HEATR3: variants seen among roughly 807,000 people sequenced by gnomAD.
HEATR3 encodes the protein HEAT repeat-containing protein 3.
Under a neutral mutation model 72.8 loss-of-function variants are expected in HEATR3, and 56 were observed. The observed-to-expected ratio is 0.77, with a 90% CI of 0.62 to 0.96. The LOEUF (loss-of-function observed/expected upper bound fraction) is 0.96. Ranked by LOEUF, HEATR3 falls within the 40% of genes least tolerant of loss-of-function variation. The probability of loss-of-function intolerance (pLI) is 0.00; values close to 1 mark genes in which losing one functional copy is unlikely to be tolerated. For missense variants in HEATR3, 747 were observed against 831.4 expected, an observed-to-expected ratio of 0.90 and a Z score of 1.25; for synonymous variants, 331 against 318.1, an observed-to-expected ratio of 1.04 and a Z score of -0.43.
At chr16:50,086,873 G>A (rs2036999509) in intron 11 of HEATR3, among the ~76,000 whole-genome samples, 1 of 152,160 alleles carries the variant, frequency 6.6e-6, no homozygotes, top group South Asian at 2.1e-4. Flanking sequence ...GGATTGCAGT[G>A]ATCTGAGGTT....
rs1427952727 is a variant in HEATR3, at chr16:50,082,751, A to G, written c.1042-1186A>G. Among the ~76,000 whole-genome samples the G allele has an allele frequency of 3.4e-5, 3 of 87,542 alleles. No individual in the cohort carries two copies. The South Asian group carries it at 1.4e-3, about 39-fold the overall frequency. 57.4% of individuals were successfully genotyped at this position (87,542 alleles called of 152,430 possible). On this transcript the variant is annotated intron_variant, in intron 7 of 14. Coordinates refer to ENST00000299192, the MANE Select transcript of HEATR3 (RefSeq NM_182922.4). ...AGCTTGGGCAATATACTGAGACCCCATCTCTCAAAAAAAAAAAAAAAAGCA... is the reference window on the plus strand; with the variant it reads ...AGCTTGGGCAATATACTGAGACCCCGTCTCTCAAAAAAAAAAAAAAAAGCA...
intron 5 of HEATR3, chr16:50,073,528 A>G (rs1477736652): frequency 6.6e-6 from 1 of 152,230 alleles, no homozygotes; most frequent in Admixed American, 6.5e-5. Context: ...ATAGTAGAAT[A>G]AATACTACTG....
chr16:50,103,425 T>A (rs925205362), intron 14 of HEATR3, among the ~76,000 whole-genome samples: 2 of 152,236 alleles, frequency 1.3e-5, no homozygotes, highest in African/African-American at 4.8e-5. Flanking sequence ...AGCCACAATT[T>A]GTGTTAAAGG....
At chr16:50,071,688 ATAGG>A (rs1027485641) in intron 4 of HEATR3, among the ~76,000 whole-genome samples, 8 of 152,222 alleles carry the variant, frequency 5.3e-5, no homozygotes, top group East Asian at 1.9e-4. Flanking sequence ...CCATAACTAG[ATAGG>A]TAGGTAGGTA....
chr16:50,104,927 T>C lies in HEATR3; in HGVS notation c.1921-12T>C, dbSNP rs912781880. On this transcript the variant is annotated splice_polypyrimidine_tract_variant and intron_variant, in intron 14 of 14. Transcript: ENST00000299192. The stretch of plus-strand genomic sequence containing the variant: ...ACCAAGTCATATATGATTTTTTGTT[T>C]TTTGTTTGCAGATACGTAAAGAAGG... The C allele has an allele frequency of 1.9e-6, 3 of 1,571,602 alleles. No individual in the cohort carries two copies. The African/African-American group carries it at 4.1e-5, about 22-fold the overall frequency.
chr16:50,094,604 A>G (rs986292958), intron 11 of HEATR3, 101 bp from the exon 12 acceptor site: 9 of 654,800 alleles, frequency 1.4e-5, no homozygotes, highest in Admixed American at 6.4e-5. Context: ...TATTAAGAAT[A>G]GCATTTATTA....
rs1269337278 is a variant in HEATR3, at chr16:50,102,297, T to C, written c.1782T>C (p.Asp594=). The stretch of plus-strand genomic sequence containing the variant: ...TTCTGCTTGAAGTTACCACCAAAGA[T>C]CCTTCCCTTGTGGTAGCAGGAGAAG... The part of the protein sequence containing the change: ...GCFLLEVTTK[D]PSLVVAGEAL... The change falls in exon 14 of 15, where the codon GAT becomes GAC. Residue 594 remains aspartate, a synonymous_variant. Coordinates refer to ENST00000299192, the MANE Select transcript of HEATR3 (RefSeq NM_182922.4). 1.2e-6 allele frequency: 2 copies of C among 1,613,968 alleles called. No individual in the cohort carries two copies. The highest frequency in any genetic ancestry group is 1.7e-6 in the Non-Finnish European group (2 of 1,180,000).
At chr16:50,082,718 T>C (rs1385257872) in intron 7 of HEATR3, among the ~76,000 whole-genome samples, 1 of 148,596 alleles carries the variant, frequency 6.7e-6, no homozygotes, top group Non-Finnish European at 1.5e-5. Context: ...GGTCAGGATT[T>C]CAAGACCAGC....
At chr16:50,076,083 T>A (rs1260356351) in intron 6 of HEATR3, among the ~76,000 whole-genome samples, 2 of 152,296 alleles carry the variant, frequency 1.3e-5, no homozygotes, top group East Asian at 3.9e-4. Context: ...TAAGAAATTA[T>A]CTGAAGGTCT....
intron 11 of HEATR3, among the ~76,000 whole-genome samples, chr16:50,090,934 C>T (rs185820822): frequency 6.6e-6 from 1 of 152,086 alleles, no homozygotes; most frequent in African/African-American, 2.4e-5. Flanking sequence ...CACCTGAGGT[C>T]AGGAGTTTGA....
In HEATR3 at chr16:50,093,829, T is replaced by G. The variant is rs930795438; in HGVS notation, c.1511-876T>G. 4.6e-5 allele frequency among the ~76,000 whole-genome samples: 7 copies of G among 152,290 alleles called. No homozygotes were observed. The East Asian group carries it at 1.3e-3, about 29-fold the overall frequency. On this transcript the variant is annotated intron_variant, in intron 11 of 14. Transcript: ENST00000299192. ...GCGGAAGTCGAGAGAAAAAAGAGCA[T>G]GCACACATGCGTCAGGGCTGGAAGT...
intron 1 of HEATR3, 44 bp downstream of exon 1, chr16:50,066,313 C>G: frequency 1.3e-6 from 2 of 1,568,272 alleles, no homozygotes; most frequent in Non-Finnish European, 8.6e-7. Context: ...GACGAGGTTG[C>G]CCCGCGCGCG....
Position 50,078,818 on chromosome 16 carries a change from T to A in HEATR3, c.841T>A (p.Ser281Thr). Reference protein sequence around the residue: ...EIINALLKILSEVLGMDAGEM... With the variant: ...EIINALLKILTEVLGMDAGEM... ...CATAAATGCCTTACTAAAGATCTTA[T>A]CTGAAGTTTTGGGAATGGATGCTGG... is the stretch of plus-strand genomic sequence containing the variant. Residue 281 changes from serine (S) to threonine (T), a missense_variant, in exon 7 of 15, where the codon TCT (serine) becomes ACT (threonine). Physicochemically the swap from Ser to Thr is moderately conservative, Grantham distance 58. Around this residue, in one of 2 missense-constraint regions of HEATR3, gnomAD observed 586 missense variants for 708.8 expected, o/e 0.83. Coordinates refer to ENST00000299192, the MANE Select transcript of HEATR3 (RefSeq NM_182922.4). 1.2e-6 allele frequency: 2 copies of A among 1,614,118 alleles called. No individual in the cohort carries two copies. The highest frequency in any genetic ancestry group is 2.2e-5 in the South Asian group (2 of 91,086).
At chr16:50,073,641 G>C (rs2036660504) in intron 5 of HEATR3, 1 of 152,194 alleles carries the variant, frequency 6.6e-6, no homozygotes, top group South Asian at 2.1e-4. Context: ...TTAGGAAATT[G>C]ATAGGTGACT....
Position 50,068,842 on chromosome 16 carries a change from C to T in HEATR3, c.374C>T (p.Thr125Ile). 1 of 1,613,754 alleles carries T rather than the reference C, an allele frequency of 6.2e-7. No individual in the cohort carries two copies. The highest frequency in any genetic ancestry group is 8.5e-7 in the Non-Finnish European group (1 of 1,179,746). ...GACATGGTGACTAAGGATATCATGACCCCTCTGGTTGCGCTGCTAAAAGAG... is the reference window on the plus strand; with the variant it reads ...GACATGGTGACTAAGGATATCATGATCCCTCTGGTTGCGCTGCTAAAAGAG... ...CDDMVTKDIM[T>I]PLVALLKECS... The change falls in exon 3 of 15, where the codon ACC becomes ATC. Residue 125 changes from threonine to isoleucine, a missense_variant. Thr to Ile is a moderately conservative substitution (Grantham distance 89). This residue lies in a region of HEATR3 where 586 missense variants were observed against 708.8 expected (regional missense o/e 0.83). Transcript: ENST00000299192.
At chr16:50,095,114 T>TA (rs2037204437) in intron 12 of HEATR3, among the ~76,000 whole-genome samples, 1 of 151,686 alleles carries the variant, frequency 6.6e-6, no homozygotes, top group South Asian at 2.1e-4. Flanking sequence ...GTCTTTTTTT[T>TA]AAATCTTTTT....
chr16:50,093,333 G>T (rs181331207), intron 11 of HEATR3, among the ~76,000 whole-genome samples: 5 of 152,244 alleles, frequency 3.3e-5, no homozygotes, highest in African/African-American at 1.2e-4. Context: ...ATTATTTCTC[G>T]AAGTTTCCTT....
intron 2 of HEATR3, among the ~76,000 whole-genome samples, chr16:50,068,340 G>A (rs2150593932): frequency 6.6e-6 from 1 of 152,112 alleles, no homozygotes. Flanking sequence ...GGGGTCTCCC[G>A]CTGTTCCTAG....
intron 10 of HEATR3, among the ~76,000 whole-genome samples, chr16:50,085,794 T>A (rs1244053434): frequency 1.3e-5 from 2 of 151,710 alleles, no homozygotes; most frequent in African/African-American, 2.4e-5. Flanking sequence ...CTTTGGAAGG[T>A]ACAGGCAGGA....
Sources: allele counts gnomAD v4.1 joint callset (sites outside exome capture counted in the v4.1 genomes callset), GRCh38; gene constraint gnomAD v4.1.1; regional missense constraint gnomAD v4.1.1; transcripts MANE v1.5; gene names NCBI Gene and HGNC (gene_info 2026-07-23, HGNC 2026-07-21).